The following DAB1 variants were observed in gnomAD, a reference collection of about 807,000 sequenced individuals.
DAB1 encodes disabled homolog 1.
Under a neutral mutation model 64.6 loss-of-function variants are expected in DAB1, and 15 were observed. That is an observed-to-expected ratio of 0.23 (90% CI 0.16 to 0.36). DAB1 has a LOEUF of 0.36. DAB1 is among the 10% of genes least tolerant of loss of function. The pLI is 1.00. For synonymous variants in DAB1, 235 were observed against 251.9 expected (o/e 0.93, Z 0.64); for missense variants, 596 against 706.7 (o/e 0.84, Z 1.78).
At chr1:57,272,587 G>A (rs1671097609) in intron 2 of DAB1, among the ~76,000 whole-genome samples, 1 of 152,160 alleles carries the variant, frequency 6.6e-6, no homozygotes, top group Admixed American at 6.5e-5. Flanking sequence ...TATGTGTTAG[G>A]AAATGGAGGC....
intron 9 of DAB1, among the ~76,000 whole-genome samples, chr1:57,049,109 G>A (rs927231575): frequency 2.6e-5 from 4 of 152,024 alleles, no homozygotes; most frequent in African/African-American, 4.8e-5. Flanking sequence ...AGAACAGAAC[G>A]GAAGATGAAA....
intron 4 of DAB1, among the ~76,000 whole-genome samples, chr1:58,312,132 C>G (rs1363164460): frequency 1.3e-5 from 2 of 152,076 alleles, no homozygotes; most frequent in African/African-American, 4.8e-5. Context: ...CAGATGAGGC[C>G]AAGGTGCTAC....
At chr1:57,109,767 T>C (rs1263246780) in intron 4 of DAB1, among the ~76,000 whole-genome samples, 2 of 152,172 alleles carry the variant, frequency 1.3e-5, no homozygotes, top group Admixed American at 6.5e-5. Flanking sequence ...TAGGAAAACA[T>C]ACCCGGCACA....
chr1:58,211,115 A>G (rs1345011299), intron 4 of DAB1, among the ~76,000 whole-genome samples: 1 of 152,098 alleles, frequency 6.6e-6, no homozygotes, highest in African/African-American at 2.4e-5. Context: ...AGGCAGGTGA[A>G]GAGTGTCATG....
intron 5 of DAB1, among the ~76,000 whole-genome samples, chr1:57,978,907 G>A (rs185198834): frequency 6.6e-6 from 1 of 152,234 alleles, no homozygotes; most frequent in African/African-American, 2.4e-5. Context: ...AAAACATCAG[G>A]AAACAACAGA....
intron 5 of DAB1, among the ~76,000 whole-genome samples, chr1:58,107,941 G>GA (rs1340940730): frequency 2.0e-5 from 3 of 151,994 alleles, no homozygotes; most frequent in Non-Finnish European, 2.9e-5. Flanking sequence ...TAAACACAGG[G>GA]AAAAAAATGG....
intron 7 of DAB1, among the ~76,000 whole-genome samples, chr1:57,470,997 T>A (rs760311075): frequency 6.6e-6 from 1 of 152,204 alleles, no homozygotes; most frequent in Non-Finnish European, 1.5e-5. Context: ...ATGGCCTACT[T>A]AAAAACCATC....
At chr1:58,063,877 T>C (rs924309831) in intron 5 of DAB1, among the ~76,000 whole-genome samples, 9 of 152,188 alleles carry the variant, frequency 5.9e-5, no homozygotes, top group Non-Finnish European at 1.0e-4. Flanking sequence ...CTTAACACCT[T>C]TAACAATAAT....
chr1:57,431,892 G>A (rs1035796859), intron 7 of DAB1, among the ~76,000 whole-genome samples: 2 of 152,186 alleles, frequency 1.3e-5, no homozygotes, highest in Non-Finnish European at 2.9e-5. Context: ...GGGAGGCCGA[G>A]GCCGGCAGAT....
chr1:58,148,070 G>A (rs1654712970), intron 5 of DAB1, among the ~76,000 whole-genome samples: 4 of 151,242 alleles, frequency 2.6e-5, no homozygotes, highest in Admixed American at 2.6e-4. Flanking sequence ...CATGAAACCA[G>A]GGAAAGTATT....
At chr1:58,077,702 C>G (rs1210091643) in intron 5 of DAB1, among the ~76,000 whole-genome samples, 1 of 152,166 alleles carries the variant, frequency 6.6e-6, no homozygotes, top group Admixed American at 6.5e-5. Flanking sequence ...TCCTCAAACC[C>G]AACTACTTTT....
chr1:58,481,121 AGGGTCT>A, intron 3 of DAB1: 1 of 871,922 alleles, frequency 1.1e-6, no homozygotes, highest in South Asian at 1.3e-5. Context: ...ATAGTAATCG[AGGGTCT>A]GGATTAGACA....
chr1:58,165,870 C>T (rs1455647132), intron 4 of DAB1, among the ~76,000 whole-genome samples: 5 of 152,204 alleles, frequency 3.3e-5, no homozygotes, highest in Non-Finnish European at 5.9e-5. Context: ...TTACTGTATG[C>T]TACACATCTT....
intron 5 of DAB1, chr1:58,048,302 C>A (rs1460045761): frequency 4.6e-5 from 57 of 1,232,600 alleles, no homozygotes; most frequent in Non-Finnish European, 6.2e-5. Flanking sequence ...TCCAAAATCT[C>A]CCCCCTTCAT....
chr1:57,581,571 G>A lies in DAB1; in HGVS notation n.625+68021C>T, dbSNP rs1360490006. 2.0e-5 allele frequency among the ~76,000 whole-genome samples: 3 copies of A among 152,022 alleles called. No individual in the cohort carries two copies. In the East Asian group the frequency reaches 5.8e-4, roughly 29 times the overall value. On this transcript the variant is annotated intron_variant and non_coding_transcript_variant, in intron 7 of 20. Transcript: ENST00000485760. ...CATAATCTGTAAGATAAAGATGGTG[G>A]CACTGACCTCATTGAATTGTGGTGA...
intron 9 of DAB1, among the ~76,000 whole-genome samples, chr1:57,039,731 T>C (rs1311032397): frequency 2.0e-5 from 3 of 152,222 alleles, no homozygotes; most frequent in Admixed American, 1.3e-4. Context: ...AGTCAATATT[T>C]TCTTGAAAAT....
intron 9 of DAB1, chr1:57,033,630 G>C: frequency 1.3e-6 from 2 of 1,507,622 alleles, no homozygotes; most frequent in Non-Finnish European, 1.8e-6. Flanking sequence ...AAATGACATG[G>C]ATTTATGAGT....
intron 7 of DAB1, among the ~76,000 whole-genome samples, chr1:57,474,632 G>A (rs2691450): frequency 0.84 from 128,334 of 152,078 alleles, 56,138 homozygotes; most frequent in Non-Finnish European, 0.96. Flanking sequence ...CTATTATCTG[G>A]GATTAAAGTG....
chr1:58,118,503 T>TATATATATATATACACAC (rs1341446315), intron 5 of DAB1, among the ~76,000 whole-genome samples: 18 of 53,100 alleles, frequency 3.4e-4, no homozygotes, highest in East Asian at 1.3e-3. Flanking sequence ...TATATATATA[T>TATATATATATATACACAC]ACACACACAC....
Sources: gnomAD v4.1 joint callset for allele counts (sites outside exome capture counted in the v4.1 genomes callset) on GRCh38, gnomAD v4.1.1 for gene constraint, MANE v1.5 for transcripts, NCBI Gene and HGNC (gene_info 2026-07-23, HGNC 2026-07-21) for gene names.